BCAR1: variants seen among roughly 807,000 people sequenced by gnomAD.
BCAR1 encodes breast cancer anti-estrogen resistance protein 1.
A neutral mutation model predicts 67.6 loss-of-function variants in BCAR1; 30 were observed. The ratio of observed to expected loss-of-function variants is 0.44; its 90% CI spans 0.33 to 0.60. The LOEUF (loss-of-function observed/expected upper bound fraction) is 0.60, where lower values mean the gene tolerates loss of function less well. Ranked by LOEUF, BCAR1 falls within the 20% of genes least tolerant of loss-of-function variation. The pLI, the probability that BCAR1 is intolerant of heterozygous loss-of-function variation, is 0.02. For synonymous variants in BCAR1, 626 were observed against 556.7 expected (o/e 1.12, Z -1.75); for missense variants, 1,313 against 1,222.3 (o/e 1.07, Z -1.11).
intron 1 of BCAR1, chr16:75,248,172 C>T (rs1400739332): frequency 1.5e-5 from 23 of 1,580,726 alleles, no homozygotes; most frequent in African/African-American, 2.7e-5. Flanking sequence ...TGGGTGGCTC[C>T]ACTTTATCTC....
chr16:75,266,869 G>A, intron 1 of BCAR1: 2 of 1,125,868 alleles, frequency 1.8e-6, no homozygotes, highest in South Asian at 3.3e-5. Flanking sequence ...GCTCCATGAG[G>A]CTGGTTTGCC....
chr16:75,242,024 G>C (rs559586830), intron 2 of BCAR1, among the ~76,000 whole-genome samples: 1 of 152,348 alleles, frequency 6.6e-6, no homozygotes, highest in African/African-American at 2.4e-5. Flanking sequence ...GTGGAGAGGG[G>C]TTGGCCTGTG....
At position 75,229,537 on chromosome 16, in the gene BCAR1, C is replaced by T. The variant is rs767650586; in HGVS notation, c.2587G>A (p.Val863Ile). ...LGHSTQQFRR[V>I]LGQLAAA ...CAGGCGGCTGCCAGCTGGCCTAGGA[C>T]GCGGCGGAACTGCTGGGTGCTGTGG... The change falls in exon 7 of 7, where the codon GTC (valine) becomes ATC (isoleucine). Residue 863 changes from valine (V) to isoleucine (I), a missense_variant. Transcript: ENST00000162330. The T allele has an allele frequency of 5.0e-5, 79 of 1,593,034 alleles. 2 individuals are homozygous for T. The South Asian group carries it at 6.2e-4, about 12-fold the overall frequency.
intron 1 of BCAR1, among the ~76,000 whole-genome samples, chr16:75,267,115 C>T (rs926726296): frequency 1.3e-5 from 2 of 152,140 alleles, no homozygotes; most frequent in Admixed American, 1.3e-4. Flanking sequence ...CCCCAAGGGG[C>T]GTGCAGCCTT....
At position 75,256,999 on chromosome 16, in the gene BCAR1, C is replaced by A. The variant is rs573526986; in HGVS notation, c.66+10916G>T. On this transcript the variant is annotated intron_variant, in intron 1 of 6. Transcript: ENST00000393422. ...CTGCGCCCTATGGCAGAGGCAGCCCCTCAGCACTGCCTGGGGGAGGGGGAA... is the reference window on the plus strand; with the variant it reads ...CTGCGCCCTATGGCAGAGGCAGCCCATCAGCACTGCCTGGGGGAGGGGGAA... Among the ~76,000 whole-genome samples, 53 of 152,226 alleles carry A rather than the reference C, an allele frequency of 3.5e-4. 1 individual carries two copies. The South Asian group carries it at 6.6e-3, about 19-fold the overall frequency.
rs534427070 is a variant in BCAR1, at chr16:75,235,062, G to T, written c.1837C>A (p.Pro613Thr). ...LLFRRTKATA[P>T]GPEGGGTLHP... ...AGGGTGCCACCCCCCTCAGGCCCCG[G>T]GGCAGTGGCCTTGGTCCGTCTGAAG... Residue 613 changes from proline (P) to threonine (T), a missense_variant, in exon 5 of 7, where the codon CCG (proline) becomes ACG (threonine). This residue lies in a region of BCAR1 where 1,272 missense variants were observed against 1,137.5 expected (regional missense o/e 1.12). Coordinates refer to ENST00000162330, the MANE Select transcript of BCAR1 (RefSeq NM_014567.5). The T allele has an allele frequency of 3.5e-5, 56 of 1,613,134 alleles. 2 individuals carry two copies. The South Asian group carries it at 6.0e-4, about 17-fold the overall frequency.
Position 75,233,993 on chromosome 16 carries a change from C to T in BCAR1, c.2011-58G>A, listed in dbSNP as rs1035590824. The stretch of plus-strand genomic sequence containing the variant: ...CAGTTTTCTGAGCCAGAAGCACAGG[C>T]CAGCCCTGTGGCGGGCGCAGTGAGC... On this transcript the variant is annotated intron_variant, in intron 5 of 6. Coordinates refer to ENST00000162330, the MANE Select transcript of BCAR1 (RefSeq NM_014567.5). 3 of 1,516,320 alleles carry T rather than the reference C, an allele frequency of 2.0e-6. No individual in the cohort carries two copies. In the African/African-American group the frequency reaches 4.1e-5, roughly 21 times the overall value. The allele number at this position is 1,516,320 out of a possible 1,614,324, so 93.9% of individuals were successfully genotyped here.
At chr16:75,242,396 G>C in intron 2 of BCAR1, 74 bp downstream of exon 2, 1 of 1,331,118 alleles carries the variant, frequency 7.5e-7, no homozygotes. Context: ...AGGGTGGCTG[G>C]ACCCTTCTGT....
intron 5 of BCAR1, among the ~76,000 whole-genome samples, 172 bp downstream of exon 5, chr16:75,234,717 G>C (rs1232444484): frequency 1.3e-5 from 2 of 152,246 alleles, no homozygotes; most frequent in African/African-American, 2.4e-5. Context: ...CGAAGGGCTC[G>C]ATGACATGGC....
At chr16:75,251,907 C>G (rs571402404), upstream of BCAR1, 1,089 of 436,206 alleles carry the variant, frequency 2.5e-3, 4 homozygotes, top group Non-Finnish European at 3.6e-3. Context: ...CAGGCGAGAA[C>G]GCACCGAAGG....
intron 4 of BCAR1, 83 bp downstream of exon 4, chr16:75,236,799 G>GAC (rs772229826): frequency 6.6e-7 from 1 of 1,512,432 alleles, no homozygotes; most frequent in African/African-American, 1.4e-5. Flanking sequence ...CAGCCCTGCA[G>GAC]ACACTGGTCA....
chr16:75,249,583 C>T (rs1362931525), intron 1 of BCAR1: 1 of 152,358 alleles, frequency 6.6e-6, no homozygotes, highest in Non-Finnish European at 1.5e-5. Context: ...CCAAAACTGC[C>T]TCCTCTTAGA....
intron 2 of BCAR1, chr16:75,238,779 T>C (rs2077231471): frequency 1.0e-6 from 1 of 985,384 alleles, no homozygotes; most frequent in Admixed American, 6.1e-5. Flanking sequence ...TCCAGAACTA[T>C]TTTTAGATGC....
intron 6 of BCAR1, among the ~76,000 whole-genome samples, chr16:75,230,932 C>T (rs1246310270): frequency 2.0e-5 from 3 of 152,122 alleles, no homozygotes; most frequent in Admixed American, 6.5e-5. Context: ...TGCCTGTGAT[C>T]CCAGCACTTT....
At chr16:75,266,052 G>T in intron 1 of BCAR1, 1 of 1,023,860 alleles carries the variant, frequency 9.8e-7, no homozygotes, top group South Asian at 4.6e-5. Context: ...GGCCAGGGAC[G>T]CGTTAAAGGT....
chr16:75,267,893 C>T, intron 1 of BCAR1: 1 of 1,590,178 alleles, frequency 6.3e-7, no homozygotes, highest in Non-Finnish European at 8.6e-7. Context: ...GAGAGGGGAC[C>T]CTGGCTAGAG....
chr16:75,251,008 C>G (rs916463098), intron 1 of BCAR1: 3 of 985,422 alleles, frequency 3.0e-6, no homozygotes, highest in African/African-American at 1.7e-5. Flanking sequence ...ACTTGCCCGC[C>G]CGGCCTCGGT....
intron 1 of BCAR1, among the ~76,000 whole-genome samples, chr16:75,244,382 G>A (rs1019358445): frequency 2.6e-5 from 4 of 152,258 alleles, no homozygotes; most frequent in Non-Finnish European, 4.4e-5. Flanking sequence ...CAGGAAGCAG[G>A]AGCCTGTGCC....
rs752197629 is a variant in BCAR1, at chr16:75,242,967, A to C, written c.136T>G (p.Cys46Gly). 1.2e-6 allele frequency: 2 copies of C among 1,613,418 alleles called. No individual in the cohort carries two copies. Among genetic ancestry groups the C allele is most frequent in the Non-Finnish European group, 8.5e-7 (1 of 1,179,912 alleles). The change falls in exon 2 of 7, where the codon TGC (cysteine) becomes GGC (glycine). Residue 46 changes from cysteine to glycine, a missense_variant. Physicochemically the swap from Cys to Gly is radical, Grantham distance 159. Around this residue, in one of 2 missense-constraint regions of BCAR1, gnomAD observed 41 missense variants for 84.8 expected, o/e 0.48. Coordinates refer to ENST00000162330, the MANE Select transcript of BCAR1 (RefSeq NM_014567.5). Reference protein sequence around the residue: ...DTQGLDGWWLCSLHGRQGIVP... With the variant: ...DTQGLDGWWLGSLHGRQGIVP... ...ATGCCCTGGCGCCCATGCAGCGAGCAGAGCCACCAGCCGTCCAGGCCCTGC... is the reference window on the plus strand; with the variant it reads ...ATGCCCTGGCGCCCATGCAGCGAGCCGAGCCACCAGCCGTCCAGGCCCTGC...
Sources: gnomAD v4.1 joint callset for allele counts (sites outside exome capture counted in the v4.1 genomes callset) on GRCh38, gnomAD v4.1.1 for gene constraint, gnomAD v4.1.1 regional missense constraint, MANE v1.5 for transcripts, NCBI Gene and HGNC (gene_info 2026-07-23, HGNC 2026-07-21) for gene names.